RYR3: variants seen among roughly 807,000 people sequenced by gnomAD.
The protein encoded by RYR3 is brain ryanodine receptor-calcium release channel.
Under a neutral mutation model 584.3 loss-of-function variants are expected in RYR3, and 207 were observed. The ratio of observed to expected loss-of-function variants is 0.35; its 90% confidence interval spans 0.32 to 0.40. The LOEUF is 0.40. Ranked by LOEUF, RYR3 falls within the 10% of genes least tolerant of loss-of-function variation. The pLI, the probability that RYR3 is intolerant of heterozygous loss-of-function variation, is 1.00. For missense variants in RYR3, 5,616 were observed against 6,089.2 expected, an observed-to-expected ratio of 0.92 and a Z score of 2.59; for synonymous variants, 2,416 against 2,248.5, an observed-to-expected ratio of 1.07 and a Z score of -2.11.
intron 59 of RYR3, 43 bp downstream of exon 59, chr15:33,756,416 T>G (rs746602570): frequency 1.4e-6 from 2 of 1,395,322 alleles, no homozygotes; most frequent in Non-Finnish European, 2.0e-6. Flanking sequence ...CTTCTTAGGA[T>G]CTCTACTATT....
rs1406726542 is a variant in RYR3, at chr15:33,358,385, CCT to C, written c.51+47292_51+47293del. 2.6e-5 allele frequency among the ~76,000 whole-genome samples: 4 copies of C among 152,292 alleles called. No individual in the cohort carries two copies. In the East Asian group the frequency reaches 7.7e-4, roughly 29 times the overall value. ...TTTCTCCACTGACAAATTCTCTCAG[CCT>C]CTGTTTGGCTTACTTGGAATTTGTT... is the stretch of plus-strand genomic sequence containing the variant. On this transcript the variant is annotated intron_variant, in intron 1 of 103. Coordinates refer to ENST00000634891, the MANE Select transcript of RYR3 (RefSeq NM_001036.6).
intron 1 of RYR3, among the ~76,000 whole-genome samples, chr15:33,416,711 A>G (rs2043837952): frequency 6.6e-6 from 1 of 152,056 alleles, no homozygotes. Context: ...CCAATTGTCA[A>G]TTTTTGTTTC....
In RYR3 at chr15:33,859,685, T is replaced by C. The variant is rs1480748746; in HGVS notation, c.14253T>C (p.Ile4751=). The change falls in exon 100 of 104, where the codon ATT becomes ATC. Residue 4751 remains isoleucine, a synonymous_variant. Transcript: ENST00000634891. The stretch of plus-strand genomic sequence containing the variant: ...AAATGTATCGCATTGTCTTTGACAT[T>C]ACCTTTTTCTTCTTCGTCATTGTCA... ...PYEMYRIVFD[I]TFFFFVIVIL... 1.2e-6 allele frequency: 2 copies of C among 1,613,652 alleles called. No homozygotes were observed. Among genetic ancestry groups the C allele is most frequent in the Non-Finnish European group, 8.5e-7 (1 of 1,179,698 alleles).
intron 41 of RYR3, 58 bp from the exon 42 acceptor site, chr15:33,700,919 C>G (rs1397633205): frequency 7.8e-7 from 1 of 1,282,330 alleles, no homozygotes; most frequent in Non-Finnish European, 1.1e-6. Flanking sequence ...GCAGTCTCAG[C>G]TCAGCACTGA....
intron 48 of RYR3, among the ~76,000 whole-genome samples, chr15:33,734,775 C>T (rs1225851654): frequency 2.0e-5 from 3 of 150,450 alleles, no homozygotes; most frequent in East Asian, 2.0e-4. Flanking sequence ...CTGCAAACTC[C>T]GCCTCCCAGG....
chr15:33,803,584 C>T (rs1334313277), intron 69 of RYR3, among the ~76,000 whole-genome samples: 3 of 152,082 alleles, frequency 2.0e-5, no homozygotes, highest in African/African-American at 2.4e-5. Context: ...GGCATGATCT[C>T]GGCTCTCTGT....
At chr15:33,313,873 G>T (rs1286495224) in intron 1 of RYR3, among the ~76,000 whole-genome samples, 2 of 152,192 alleles carry the variant, frequency 1.3e-5, no homozygotes, top group Non-Finnish European at 2.9e-5. Context: ...CAAATTGTTA[G>T]TGGTTGTAGT....
chr15:33,524,681 T>C (rs190123297), intron 3 of RYR3, among the ~76,000 whole-genome samples: 23 of 152,314 alleles, frequency 1.5e-4, no homozygotes, highest in East Asian at 3.9e-4. Flanking sequence ...AGCTTTTTTT[T>C]CCCCACTTTT....
chr15:33,864,874 C>T (rs778156868), intron 103 of RYR3: 4 of 440,224 alleles, frequency 9.1e-6, no homozygotes, highest in African/African-American at 3.9e-5. Flanking sequence ...TAGTGGCAAA[C>T]ATTGATTGGT....
intron 86 of RYR3, among the ~76,000 whole-genome samples, chr15:33,834,219 G>T (rs1379758497): frequency 6.6e-6 from 1 of 151,894 alleles, no homozygotes; most frequent in Non-Finnish European, 1.5e-5. Flanking sequence ...AGTGAGCAGA[G>T]GTTGCAGTAA....
chr15:33,317,482 G>A (rs1050896861), intron 1 of RYR3, among the ~76,000 whole-genome samples: 2 of 152,150 alleles, frequency 1.3e-5, no homozygotes, highest in Non-Finnish European at 2.9e-5. Context: ...GGAAGTCAGG[G>A]GGGGTGTTTT....
chr15:33,696,741 A>T (rs890160756), intron 39 of RYR3, among the ~76,000 whole-genome samples: 1 of 152,176 alleles, frequency 6.6e-6, no homozygotes, highest in Non-Finnish European at 1.5e-5. Flanking sequence ...TTTTGAAAAT[A>T]GCCCCAGGGA....
At chr15:33,815,845 A>G (rs560721523) in intron 74 of RYR3, 1 of 398,598 alleles carries the variant, frequency 2.5e-6, no homozygotes, top group South Asian at 1.3e-4. Context: ...CACAAAATTA[A>G]TAATTTCTTC....
rs41279218 is a variant in RYR3, at chr15:33,748,657, C to T, written c.8199+127C>T. 4.6e-3 allele frequency: 3,793 copies of T among 815,882 alleles called. 17 individuals are homozygous for T. Among genetic ancestry groups the T allele is most frequent in the Non-Finnish European group, 6.3e-3 (3,126 of 496,278 alleles). 50.5% of individuals were successfully genotyped at this position (815,882 alleles called of 1,614,324 possible). On this transcript the variant is annotated intron_variant, in intron 55 of 103. Transcript: ENST00000634891. ...CACCACTAAAATTCAAAACTGAAGACGGTCACCTTGTGCAGAGGCCACAGG... is the reference window on the plus strand; with the variant it reads ...CACCACTAAAATTCAAAACTGAAGATGGTCACCTTGTGCAGAGGCCACAGG...
At chr15:33,747,995 G>A in intron 53 of RYR3, 119 bp from the exon 54 acceptor site, 1 of 838,016 alleles carries the variant, frequency 1.2e-6, no homozygotes, top group Non-Finnish European at 2.0e-6. Context: ...CCTTGTGAGA[G>A]AAGGCTGGTG....
chr15:33,640,053 A>C (rs57983885), intron 27 of RYR3, among the ~76,000 whole-genome samples: 28,924 of 152,058 alleles, frequency 0.19, 3,538 homozygotes, highest in East Asian at 0.62. Flanking sequence ...CCCCTGAGGG[A>C]CATGCTGCCT....
In RYR3 at chr15:33,311,150, C is replaced by T. The variant is rs1967194601; in HGVS notation, c.51+54C>T. ...TGGGCAGGTGGGGAGGAGCGCGGAG[C>T]GCGGCGAGGAGGGGCTGGCTGCGCT... On this transcript the variant is annotated intron_variant, in intron 1 of 103. Coordinates refer to ENST00000634891, the MANE Select transcript of RYR3 (RefSeq NM_001036.6). The surrounding 1 kb of genome is among the most constrained non-coding windows in gnomAD (Gnocchi z 4.4). The T allele has an allele frequency of 1.4e-6, 2 of 1,418,318 alleles. No individual in the cohort carries two copies. Among genetic ancestry groups the T allele is most frequent in the African/African-American group, 1.5e-5 (1 of 67,996 alleles). The allele number at this position is 1,418,318 out of a possible 1,614,324, so 87.9% of individuals were successfully genotyped here.
At chr15:33,373,876 A>G (rs1457317274) in intron 1 of RYR3, among the ~76,000 whole-genome samples, 2 of 152,218 alleles carry the variant, frequency 1.3e-5, no homozygotes, top group African/African-American at 2.4e-5. Context: ...TGAAAGGTAA[A>G]TAAGTTTTTT....
chr15:33,648,754 A>G lies in RYR3; in HGVS notation c.3979-318A>G, dbSNP rs377727045. The stretch of plus-strand genomic sequence containing the variant: ...GTTAGGGCTCTGTGCTGCCATTCTG[A>G]GCAGCTGCCACTGCTTCCATCCACA... On this transcript the variant is annotated intron_variant, in intron 30 of 103. Transcript: ENST00000634891. 4.6e-5 allele frequency among the ~76,000 whole-genome samples: 7 copies of G among 152,180 alleles called. No homozygotes were observed. In the East Asian group the frequency reaches 9.6e-4, roughly 21 times the overall value.
Sources: allele counts gnomAD v4.1 joint callset (sites outside exome capture counted in the v4.1 genomes callset), GRCh38; gene constraint gnomAD v4.1.1; non-coding constraint Gnocchi (gnomAD v3.1); transcripts MANE v1.5; gene names NCBI Gene and HGNC (gene_info 2026-07-23, HGNC 2026-07-21).